The following ADD1 variants were observed in gnomAD, a reference collection of about 807,000 sequenced individuals.
ADD1 encodes the protein adducin 1, also known as alpha-adducin.
In ADD1, 24 loss-of-function variants were observed where a neutral mutation model predicts 80.5. The observed-to-expected ratio is 0.30, with a 90% CI of 0.22 to 0.42. The LOEUF (loss-of-function observed/expected upper bound fraction) is 0.42. Among genes scored for constraint, ADD1 ranks in the 10% least tolerant of loss-of-function variants. The pLI is 1.00. For missense variants in ADD1, 948 were observed against 1,019.0 expected, an observed-to-expected ratio of 0.93 and a Z score of 0.95; for synonymous variants, 373 against 393.8, an observed-to-expected ratio of 0.95 and a Z score of 0.63.
chr4:2,899,821 C>T, intron 9 of ADD1: 1 of 338,940 alleles, frequency 3.0e-6, no homozygotes, highest in South Asian at 2.3e-5. Context: ...CAAATCCTGG[C>T]TGTCTGGGGC....
rs2295497 is a variant in ADD1 at position 2,875,931 on chromosome 4, C to T, written c.16C>T (p.Arg6Cys). The change falls in exon 2 of 16, where the codon CGT becomes TGT. Residue 6 changes from arginine (R) to cysteine (C), a missense_variant. Transcript: ENST00000683351. ...AGATTGTACAATGAATGGTGATTCT[C>T]GTGCTGCGGTGGTGACCTCACCACC... MNGDS[R>C]AAVVTSPPPT... 617 of 1,595,798 alleles carry T rather than the reference C, an allele frequency of 3.9e-4. 4 individuals are homozygous for T. The East Asian group carries it at 0.013, about 32-fold the overall frequency.
intron 6 of ADD1, among the ~76,000 whole-genome samples, chr4:2,895,341 C>T (rs1211878692): frequency 6.6e-6 from 1 of 151,906 alleles, no homozygotes; most frequent in Non-Finnish European, 1.5e-5. Context: ...ACTGTGGGGA[C>T]GTGCAAAATG....
rs562590078 is a variant in ADD1 at position 2,922,066 on chromosome 4, C to T, written c.1949-3948C>T. ...TTTTTCAAGGTTCTTAGCCTCCTTG[C>T]ATTGGGTTAGAACATGCTCCTTTAG... On this transcript the variant is annotated intron_variant, in intron 14 of 15. Transcript: ENST00000683351. Among the ~76,000 whole-genome samples the T allele has an allele frequency of 3.9e-5, 6 of 152,132 alleles. No homozygotes were observed. In the South Asian group the frequency reaches 1.2e-3, roughly 32 times the overall value.
chr4:2,912,528 GTATTTT>G (rs890125315), intron 13 of ADD1, among the ~76,000 whole-genome samples: 306 of 148,108 alleles, frequency 2.1e-3, no homozygotes, highest in African/African-American at 7.2e-3. Flanking sequence ...ATTTTTATTT[GTATTTT>G]TATTTTTATT....
intron 1 of ADD1, among the ~76,000 whole-genome samples, chr4:2,858,895 AT>A (rs1167561995): frequency 2.0e-5 from 3 of 152,202 alleles, no homozygotes; most frequent in African/African-American, 7.2e-5. Flanking sequence ...GACATTTTAC[AT>A]TTATTATTTC....
intron 4 of ADD1, among the ~76,000 whole-genome samples, chr4:2,891,580 C>G (rs938960194): frequency 6.6e-6 from 1 of 152,060 alleles, no homozygotes; most frequent in African/African-American, 2.4e-5. Context: ...GTAAATGACC[C>G]CTAGCAATGA....
intron 1 of ADD1, among the ~76,000 whole-genome samples, chr4:2,875,545 C>G (rs1168050982): frequency 2.0e-5 from 3 of 152,154 alleles, no homozygotes; most frequent in African/African-American, 7.2e-5. Flanking sequence ...CAGATCTTGT[C>G]TGTGTGGAAC....
intron 13 of ADD1, among the ~76,000 whole-genome samples, chr4:2,911,789 T>G (rs1170497919): frequency 6.6e-6 from 1 of 152,086 alleles, no homozygotes; most frequent in Non-Finnish European, 1.5e-5. Context: ...CCCTCTGGAT[T>G]CAATTGCAAG....
rs527269913 is a variant in ADD1, at chr4:2,922,240, T to C, written c.1949-3774T>C. On this transcript the variant is annotated intron_variant, in intron 14 of 15. Coordinates refer to ENST00000683351, the MANE Select transcript of ADD1 (RefSeq NM_001354761.2). ...ATTCTGGTTTTTGGAAATTTCAGCC[T>C]TTTTGCACTGGTTTTTCCTCGTCTT... 1.5e-4 allele frequency among the ~76,000 whole-genome samples: 22 copies of C among 151,652 alleles called. No homozygotes were observed. In the South Asian group the frequency reaches 4.6e-3, roughly 31 times the overall value.
Position 2,929,223 on chromosome 4 carries a change from C to T in ADD1, c.*700C>T, listed in dbSNP as rs926776363. ...GATTCCTGTCATAGGGAAGGTATAT[C>T]AGGAGGGGAAGAGGCCTTTCTAGAA... On this transcript the variant is annotated 3_prime_UTR_variant, in exon 16 of 16. Transcript: ENST00000683351. The T allele has an allele frequency of 1.3e-5, 2 of 152,188 alleles. No individual in the cohort carries two copies. The highest frequency in any genetic ancestry group is 1.3e-4 in the Admixed American group (2 of 15,282). 9.4% of individuals were successfully genotyped at this position (152,188 alleles called of 1,614,324 possible).
At chr4:2,879,191 G>C (rs781197010) in intron 2 of ADD1, among the ~76,000 whole-genome samples, 80 of 152,278 alleles carry the variant, frequency 5.3e-4, no homozygotes, top group Non-Finnish European at 1.1e-3. Context: ...AGTGACAGCT[G>C]GCTGGAGCCA....
intron 1 of ADD1, chr4:2,853,089 T>C (rs1727557908): frequency 6.6e-6 from 1 of 152,138 alleles, no homozygotes; most frequent in Non-Finnish European, 1.5e-5. Flanking sequence ...CTGTAACTTT[T>C]TAGAAGTTGG....
At chr4:2,924,967 C>G (rs1210712276) in intron 14 of ADD1, among the ~76,000 whole-genome samples, 7 of 152,168 alleles carry the variant, frequency 4.6e-5, no homozygotes, top group African/African-American at 1.7e-4. Context: ...TGTGGAGTTT[C>G]CCCCCGATGT....
At chr4:2,922,745 C>T (rs1396415331) in intron 14 of ADD1, among the ~76,000 whole-genome samples, 2 of 152,226 alleles carry the variant, frequency 1.3e-5, no homozygotes, top group African/African-American at 4.8e-5. Context: ...ACAGCCAACC[C>T]TTCCCCCAGG....
At chr4:2,847,353 G>A (rs891908018) in intron 1 of ADD1, among the ~76,000 whole-genome samples, 7 of 151,992 alleles carry the variant, frequency 4.6e-5, no homozygotes, top group South Asian at 2.1e-4. Flanking sequence ...CCCAGGAGGC[G>A]GAGGTCGCAG....
intron 14 of ADD1, among the ~76,000 whole-genome samples, chr4:2,915,748 C>T (rs892537675): frequency 1.3e-5 from 2 of 152,080 alleles, no homozygotes; most frequent in East Asian, 1.9e-4. Context: ...CGCTTGAACC[C>T]GGGGGGCGGA....
chr4:2,923,176 A>C (rs1398054439), intron 14 of ADD1, among the ~76,000 whole-genome samples: 2 of 152,140 alleles, frequency 1.3e-5, no homozygotes. Flanking sequence ...TCCAGGCGCC[A>C]CTGGGGTATC....
chr4:2,914,880 A>G lies in ADD1; in HGVS notation c.1792-4A>G, dbSNP rs1401343262. 3.1e-6 allele frequency: 5 copies of G among 1,607,214 alleles called. No individual in the cohort carries two copies. The highest frequency in any genetic ancestry group is 2.7e-5 in the African/African-American group (2 of 74,728). On this transcript the variant is annotated splice_region_variant and splice_polypyrimidine_tract_variant and intron_variant, in intron 13 of 15. Transcript: ENST00000683351. ...TGCAGACCAGATGTGCCTTTCATCC[A>G]CAGGGAGAGCTGGTGACGGCCTCCA...
rs1485006481 is a variant in ADD1 at position 2,926,083 on chromosome 4, C to T, written c.2018C>T (p.Pro673Leu). Residue 673 changes from proline (P) to leucine (L), a missense_variant, in exon 15 of 16, where the codon CCT becomes CTT. Physicochemically the swap from Pro to Leu is moderately conservative, Grantham distance 98. Coordinates refer to ENST00000683351, the MANE Select transcript of ADD1 (RefSeq NM_001354761.2). The surrounding 1 kb of genome is among the most constrained non-coding windows in gnomAD (Gnocchi z 5.0). ...GACCAGCCTGCGGTCCCCCACCCGC[C>T]TCCCAGCACTCCCATCAAGCTGGAG... ...PPDQPAVPHPPPSTPIKLEED... is the reference protein window; with the variant it reads ...PPDQPAVPHPLPSTPIKLEED... The T allele has an allele frequency of 6.2e-7, 1 of 1,614,058 alleles. No individual in the cohort carries two copies. Among genetic ancestry groups the T allele is most frequent in the Non-Finnish European group, 8.5e-7 (1 of 1,180,012 alleles).
Sources: allele counts gnomAD v4.1 joint callset (sites outside exome capture counted in the v4.1 genomes callset), GRCh38; gene constraint gnomAD v4.1.1; non-coding constraint Gnocchi (gnomAD v3.1); transcripts MANE v1.5; gene names NCBI Gene and HGNC (gene_info 2026-07-23, HGNC 2026-07-21).